The following H2BK1 variants were observed in gnomAD, a reference collection of about 807,000 sequenced individuals.
H2BK1 encodes the protein H2B.K variant histone 1, also known as histone H2B type 2-K1.
chr7:151,208,507 C>T, the H2BK1 span, among the ~76,000 whole-genome samples: 4 of 152,126 alleles, frequency 2.6e-5, no homozygotes, highest in Non-Finnish European at 5.9e-5. Flanking sequence ...CACGAATATT[C>T]AGGATTTGGG....
chr7:151,209,447 C>T, the H2BK1 span, among the ~76,000 whole-genome samples: 6 of 152,178 alleles, frequency 3.9e-5, no homozygotes, highest in Non-Finnish European at 8.8e-5. Flanking sequence ...AGACCCAGGG[C>T]GGGCAACACA....
the H2BK1 span, chr7:151,210,411 TGGGAG>T: frequency 0.015 from 1,696 of 113,142 alleles, 7 homozygotes; most frequent in East Asian, 0.051. Context: ...GACATGCACC[TGGGAG>T]GGGGGGGGGG....
chr7:151,209,506 T>G, the H2BK1 span, among the ~76,000 whole-genome samples: 1 of 152,248 alleles, frequency 6.6e-6, no homozygotes, highest in African/African-American at 2.4e-5. Flanking sequence ...GCAGCAGCTT[T>G]GGATCCTCCA....
At chr7:151,210,132 C>T in the H2BK1 span, 1 of 398,218 alleles carries the variant, frequency 2.5e-6, no homozygotes, top group African/African-American at 2.1e-5. Context: ...AGCCAGTGCC[C>T]TTTCAAGGCG....
At chr7:151,208,199 C>T in the H2BK1 span, 10 of 1,329,534 alleles carry the variant, frequency 7.5e-6, no homozygotes, top group South Asian at 1.2e-5. Flanking sequence ...GAGCTGGGGG[C>T]TCTAGGAAGC....
At chr7:151,208,081 G>A in the H2BK1 span, 2,556 of 1,614,178 alleles carry the variant, frequency 1.6e-3, 17 homozygotes, top group African/African-American at 0.024. Context: ...TCATGGCCTT[G>A]GCAGAGATGC....
the H2BK1 span, among the ~76,000 whole-genome samples, chr7:151,209,478 T>C: frequency 2.0e-5 from 3 of 152,236 alleles, no homozygotes; most frequent in East Asian, 3.9e-4. Context: ...CGCCTCCTCC[T>C]GGCCTTGGCC....
At chr7:151,210,244 T>A in the H2BK1 span, 1 of 399,260 alleles carries the variant, frequency 2.5e-6, no homozygotes, top group Non-Finnish European at 4.4e-6. Flanking sequence ...GACAGCGCTT[T>A]TTGGACTTTT....
At chr7:151,210,417 G>C in the H2BK1 span, 2 of 22,588 alleles carry the variant, frequency 8.9e-5, no homozygotes, top group African/African-American at 2.4e-4. Flanking sequence ...CACCTGGGAG[G>C]GGGGGGGGGG....
chr7:151,208,681 A>G, the H2BK1 span, among the ~76,000 whole-genome samples: 2 of 152,282 alleles, frequency 1.3e-5, no homozygotes, highest in Non-Finnish European at 2.9e-5. Context: ...GAGCCTGTCC[A>G]TGTGACACAG....
the H2BK1 span, chr7:151,207,954 G>A: frequency 1.6e-5 from 22 of 1,342,192 alleles, no homozygotes; most frequent in Non-Finnish European, 2.1e-5. Flanking sequence ...AGCAGCAGAC[G>A]CACAGCCGTC....
the H2BK1 span, chr7:151,207,942 G>A: frequency 8.5e-6 from 11 of 1,287,632 alleles, no homozygotes; most frequent in South Asian, 1.2e-4. Flanking sequence ...AGCTCCCCAG[G>A]CAGCAGCAGA....
At chr7:151,210,221 G>A in the H2BK1 span, 2 of 399,092 alleles carry the variant, frequency 5.0e-6, no homozygotes, top group African/African-American at 2.1e-5. Flanking sequence ...CATGGAGTAG[G>A]ACTCCTTGCG....
the H2BK1 span, among the ~76,000 whole-genome samples, chr7:151,208,511 A>G: frequency 6.6e-6 from 1 of 152,046 alleles, no homozygotes; most frequent in African/African-American, 2.4e-5. Flanking sequence ...AATATTCAGG[A>G]TTTGGGTTTG....
the H2BK1 span, chr7:151,208,061 T>C: frequency 6.2e-7 from 1 of 1,613,982 alleles, no homozygotes; most frequent in South Asian, 1.1e-5. Context: ...TACAAACGAG[T>C]TCATGATGCT....
At chr7:151,210,062 G>T in the H2BK1 span, 109 of 395,856 alleles carry the variant, frequency 2.8e-4, no homozygotes, top group African/African-American at 1.9e-3. Flanking sequence ...CTCAAGAGGG[G>T]CCAGGCCTGC....
chr7:151,208,057 C>G, the H2BK1 span: 1 of 1,614,168 alleles, frequency 6.2e-7, no homozygotes, highest in Admixed American at 1.7e-5. Context: ...CGTTTACAAA[C>G]GAGTTCATGA....
chr7:151,209,810 T>C, the H2BK1 span, among the ~76,000 whole-genome samples: 36,736 of 152,066 alleles, frequency 0.24, 4,897 homozygotes, highest in African/African-American at 0.35. Flanking sequence ...CAGTTCACCC[T>C]GATCACTCCT....
the H2BK1 span, chr7:151,207,980 G>T: frequency 6.8e-7 from 1 of 1,478,212 alleles, no homozygotes; most frequent in Non-Finnish European, 9.5e-7. Flanking sequence ...TTCTCGGGAT[G>T]TCAGGGTGGT....
Sources: allele counts gnomAD v4.1 joint callset (sites outside exome capture counted in the v4.1 genomes callset), GRCh38; gene constraint gnomAD v4.1.1; transcripts MANE v1.5; gene names NCBI Gene and HGNC (gene_info 2026-07-23, HGNC 2026-07-21).